The following ADAM28 variants were observed in gnomAD, a reference collection of about 807,000 sequenced individuals.
The protein encoded by ADAM28 is ADAM metallopeptidase domain 28.
Under a neutral mutation model 101.2 loss-of-function variants are expected in ADAM28, and 105 were observed. The observed-to-expected ratio is 1.04, with a 90% confidence interval of 0.89 to 1.22. The LOEUF (loss-of-function observed/expected upper bound fraction) is 1.22, where lower values mean the gene tolerates loss of function less well. Among genes scored for constraint, ADAM28 ranks in the 50% most tolerant of loss-of-function variants. The pLI is 0.00. For synonymous variants in ADAM28, 322 were observed against 310.6 expected (o/e 1.04, Z -0.39); for missense variants, 1,028 against 945.4 (o/e 1.09, Z -1.15).
intron 6 of ADAM28, among the ~76,000 whole-genome samples, chr8:24,314,178 T>C (rs1344741265): frequency 1.3e-5 from 2 of 152,202 alleles, no homozygotes; most frequent in Non-Finnish European, 2.9e-5. Flanking sequence ...CACAAAGATA[T>C]AAAGTATTAT....
chr8:24,341,925 C>T (rs1013108026), intron 16 of ADAM28, among the ~76,000 whole-genome samples, 168 bp downstream of exon 16: 6 of 152,060 alleles, frequency 3.9e-5, no homozygotes, highest in African/African-American at 9.7e-5. Flanking sequence ...ATGAAAATGG[C>T]GCAGAACCTA....
chr8:24,320,089 G>A, intron 6 of ADAM28, 147 bp from the exon 7 acceptor site: 1 of 592,048 alleles, frequency 1.7e-6, no homozygotes, highest in South Asian at 2.1e-5. Flanking sequence ...AGATAATCCT[G>A]TCGGTTGAAT....
chr8:24,300,024 C>T lies in ADAM28; in HGVS notation c.97C>T (p.Pro33Ser). The T allele has an allele frequency of 3.7e-6, 6 of 1,613,634 alleles. No individual in the cohort carries two copies. Among genetic ancestry groups the T allele is most frequent in the Non-Finnish European group, 5.1e-6 (6 of 1,179,970 alleles). Residue 33 changes from proline (P) to serine (S), a missense_variant, in exon 2 of 23, where the codon CCT becomes TCT. Physicochemically the swap from Pro to Ser is moderately conservative, Grantham distance 74. Transcript: ENST00000265769. ...PGVKKYEVVYPIRLHPLHKRE... is the reference protein window; with the variant it reads ...PGVKKYEVVYSIRLHPLHKRE... ...GGTGAAGAAGTATGAAGTGGTTTAT[C>T]CTATAAGACTTCATCCACTGCATAA...
chr8:24,324,725 T>A (rs1812317274), intron 9 of ADAM28, among the ~76,000 whole-genome samples: 1 of 151,974 alleles, frequency 6.6e-6, no homozygotes. Flanking sequence ...AATTGGTGTG[T>A]GGGCTCATCT....
Position 24,335,504 on chromosome 8 carries a change from T to C in ADAM28, c.1430T>C (p.Met477Thr). 6.2e-7 allele frequency: 1 copy of C among 1,614,076 alleles called. No individual in the cohort carries two copies. The highest frequency in any genetic ancestry group is 8.5e-7 in the Non-Finnish European group (1 of 1,180,000). The change falls in exon 14 of 23, where the codon ATG (methionine) becomes ACG (threonine). Residue 477 changes from methionine to threonine, a missense_variant. Coordinates refer to ENST00000265769, the MANE Select transcript of ADAM28 (RefSeq NM_014265.6). Reference protein sequence around the residue: ...PAKDECDLPEMCNGKSGNCPD... With the variant: ...PAKDECDLPETCNGKSGNCPD... ...AAAGATGAGTGCGACCTGCCTGAAA[T>C]GTGTAATGGTAAATCTGGTAATTGT... is the stretch of plus-strand genomic sequence containing the variant.
At chr8:24,353,694 A>T (rs1816436742) in intron 21 of ADAM28, 76 bp from the exon 22 acceptor site, 1 of 994,372 alleles carries the variant, frequency 1.0e-6, no homozygotes, top group African/African-American at 1.6e-5. Context: ...TAATTTCATT[A>T]AGGAAATAAA....
chr8:24,343,337 T>C (rs1215210456), intron 17 of ADAM28, among the ~76,000 whole-genome samples, 156 bp downstream of exon 17: 3 of 152,202 alleles, frequency 2.0e-5, no homozygotes, highest in East Asian at 1.9e-4. Flanking sequence ...AAATTTCTTC[T>C]GGGAATCATT....
At chr8:24,306,386 T>TATATATATATATATATA (rs1809681753) in intron 2 of ADAM28, among the ~76,000 whole-genome samples, 2 of 108,978 alleles carry the variant, frequency 1.8e-5, no homozygotes, top group African/African-American at 3.6e-5. Flanking sequence ...ATATATATAT[T>TATATATATATATATATA]TAAAAATATA....
At chr8:24,348,046 A>T (rs1815622222) in intron 18 of ADAM28, among the ~76,000 whole-genome samples, 1 of 152,100 alleles carries the variant, frequency 6.6e-6, no homozygotes, top group African/African-American at 2.4e-5. Context: ...GTACTTGGGT[A>T]TAAATCCACA....
chr8:24,309,788 T>TA (rs1810200794), intron 2 of ADAM28, 106 bp from the exon 3 acceptor site: 5 of 836,176 alleles, frequency 6.0e-6, no homozygotes, highest in Admixed American at 2.3e-5. Flanking sequence ...TTTGGTATTA[T>TA]ACTGCTAAAA....
intron 13 of ADAM28, among the ~76,000 whole-genome samples, chr8:24,333,340 C>T (rs1024809457): frequency 3.3e-5 from 5 of 151,972 alleles, no homozygotes; most frequent in African/African-American, 1.2e-4. Flanking sequence ...ACACACACAC[C>T]CACACCAACA....
At chr8:24,313,911 C>T (rs563476483) in intron 6 of ADAM28, among the ~76,000 whole-genome samples, 71 of 152,164 alleles carry the variant, frequency 4.7e-4, no homozygotes, top group African/African-American at 1.6e-3. Flanking sequence ...GCATGTGCCA[C>T]CATGCCCAGC....
intron 8 of ADAM28, among the ~76,000 whole-genome samples, 180 bp from the exon 9 acceptor site, chr8:24,323,654 T>C (rs1812170313): frequency 6.6e-6 from 1 of 151,968 alleles, no homozygotes; most frequent in Non-Finnish European, 1.5e-5. Context: ...TTATCTTTTG[T>C]TTTGAATGGG....
intron 2 of ADAM28, among the ~76,000 whole-genome samples, chr8:24,305,090 T>A (rs1809386864): frequency 6.6e-6 from 1 of 151,808 alleles, no homozygotes; most frequent in Non-Finnish European, 1.5e-5. Context: ...TTCTTAATAA[T>A]ATTCTTGTTT....
intron 15 of ADAM28, among the ~76,000 whole-genome samples, chr8:24,340,074 G>A (rs1814579764): frequency 6.6e-6 from 1 of 152,180 alleles, no homozygotes. Context: ...TGAAGAGTTT[G>A]TTAGTTTTAG....
intron 2 of ADAM28, chr8:24,301,024 A>C (rs1808682712): frequency 6.6e-6 from 1 of 152,232 alleles, no homozygotes. Context: ...TCATTCAATT[A>C]TAACAATGTT....
At chr8:24,319,058 C>T (rs1283193338) in intron 6 of ADAM28, among the ~76,000 whole-genome samples, 1 of 151,984 alleles carries the variant, frequency 6.6e-6, no homozygotes, top group African/African-American at 2.4e-5. Context: ...TCCTCCTACT[C>T]TTTACTCCCC....
At chr8:24,294,312 C>T in intron 1 of ADAM28, 117 bp downstream of exon 1, 2 of 1,204,452 alleles carry the variant, frequency 1.7e-6, no homozygotes, top group Admixed American at 2.0e-5. Context: ...TTTTCTCAAT[C>T]AATCTTACTA....
At chr8:24,311,559 C>T in intron 5 of ADAM28, 122 bp downstream of exon 5, 1 of 641,078 alleles carries the variant, frequency 1.6e-6, no homozygotes, top group Non-Finnish European at 2.4e-6. Flanking sequence ...TCATAAGGGC[C>T]ATAACATTTT....
Sources: gnomAD v4.1 joint callset for allele counts (sites outside exome capture counted in the v4.1 genomes callset) on GRCh38, gnomAD v4.1.1 for gene constraint, MANE v1.5 for transcripts, NCBI Gene and HGNC (gene_info 2026-07-23, HGNC 2026-07-21) for gene names.